CHD2: variants seen among roughly 807,000 people sequenced by gnomAD.
CHD2 encodes chromodomain helicase DNA binding protein 2.
CHD2 carries 28 observed loss-of-function variants against 243.9 expected under a neutral mutation model. The ratio of observed to expected loss-of-function variants is 0.11; its 90% confidence interval spans 0.09 to 0.16. The LOEUF is 0.16. Among genes scored for constraint, CHD2 ranks in the 10% least tolerant of loss-of-function variants. The probability of loss-of-function intolerance (pLI) is 1.00; values close to 1 mark genes in which losing one functional copy is unlikely to be tolerated. For synonymous variants in CHD2, 775 were observed against 779.0 expected (o/e 0.99, Z 0.09); for missense variants, 1,386 against 2,209.8 (o/e 0.63, Z 7.47).
intron 25 of CHD2, among the ~76,000 whole-genome samples, chr15:92,984,916 C>T (rs1037238604): frequency 2.0e-5 from 3 of 152,180 alleles, no homozygotes; most frequent in East Asian, 3.8e-4. Context: ...GAAACATATA[C>T]CAACTTGACA....
chr15:92,966,881 G>C (rs1157183413), intron 16 of CHD2, among the ~76,000 whole-genome samples: 1 of 148,492 alleles, frequency 6.7e-6, no homozygotes, highest in Non-Finnish European at 1.5e-5. Flanking sequence ...CTGCATTCCA[G>C]CCTGGGCGAC....
intron 2 of CHD2, among the ~76,000 whole-genome samples, chr15:92,923,607 C>T (rs189307318): frequency 7.2e-6 from 1 of 138,440 alleles, no homozygotes; most frequent in East Asian, 2.3e-4. Context: ...CGCTCTGTCT[C>T]TAGGCTGGAG....
In CHD2 at chr15:92,900,460, C is replaced by T. The variant is rs1274152194; in HGVS notation, c.-436C>T. On this transcript the variant is annotated 5_prime_UTR_variant, in exon 1 of 39. Transcript: ENST00000394196. ...GGGCCCCCGTAGCCCCCTGCCTTTC[C>T]TAGGGACTTACTGGGGTCGATTCGA... 4 of 397,562 alleles carry T rather than the reference C, an allele frequency of 1.0e-5. No individual in the cohort carries two copies. Among genetic ancestry groups the T allele is most frequent in the African/African-American group, 8.2e-5 (4 of 48,566 alleles). The allele number at this position is 397,562 out of a possible 1,614,324, so 24.6% of individuals were successfully genotyped here.
chr15:93,020,835 G>A (rs754203182), intron 38 of CHD2: 8 of 155,644 alleles, frequency 5.1e-5, no homozygotes, highest in South Asian at 1.9e-4. Context: ...GATGATGTGC[G>A]TCATTTGCAC....
At chr15:92,912,322 T>G (rs56409807) in intron 2 of CHD2, among the ~76,000 whole-genome samples, 30 of 152,240 alleles carry the variant, frequency 2.0e-4, no homozygotes, top group Non-Finnish European at 4.0e-4. Flanking sequence ...ACTGTTGTGT[T>G]TATCTGCCGT....
intron 9 of CHD2, 81 bp from the exon 10 acceptor site, chr15:92,944,334 C>T (rs2053429334): frequency 1.5e-6 from 1 of 683,808 alleles, no homozygotes. Context: ...GTTTTCTTTT[C>T]CACCTTTGAC....
intron 2 of CHD2, among the ~76,000 whole-genome samples, chr15:92,903,623 T>C (rs1176351390): frequency 1.3e-5 from 2 of 152,234 alleles, no homozygotes; most frequent in East Asian, 3.8e-4. Context: ...AATTTCTAAG[T>C]ATTTAAAACA....
At chr15:92,969,991 A>T (rs1310901509) in intron 17 of CHD2, among the ~76,000 whole-genome samples, 1 of 151,926 alleles carries the variant, frequency 6.6e-6, no homozygotes, top group Admixed American at 6.5e-5. Context: ...TACTCAAGAT[A>T]GTTTTTCTTC....
At chr15:92,957,799 C>T (rs1302083523) in intron 16 of CHD2, among the ~76,000 whole-genome samples, 1 of 151,986 alleles carries the variant, frequency 6.6e-6, no homozygotes, top group African/African-American at 2.4e-5. Context: ...CAAAAAGTTC[C>T]CCCTTGCTTG....
chr15:92,942,285 T>C (rs2053394045), intron 8 of CHD2, among the ~76,000 whole-genome samples: 1 of 152,188 alleles, frequency 6.6e-6, no homozygotes, highest in African/African-American at 2.4e-5. Context: ...GTTAAATAAA[T>C]ATTGTGGTAA....
intron 17 of CHD2, among the ~76,000 whole-genome samples, chr15:92,970,712 A>C (rs1171906244): frequency 6.6e-6 from 1 of 152,084 alleles, no homozygotes; most frequent in Non-Finnish European, 1.5e-5. Context: ...ATAGGCCTTT[A>C]TGATGCATAG....
rs2053515005 is a variant in CHD2 at position 92,948,932 on chromosome 15, C to T, written c.1378-20C>T. 2 of 1,607,612 alleles carry T rather than the reference C, an allele frequency of 1.2e-6. No individual in the cohort carries two copies. Among genetic ancestry groups the T allele is most frequent in the Non-Finnish European group, 1.7e-6 (2 of 1,178,046 alleles). On this transcript the variant is annotated intron_variant, in intron 12 of 38. Transcript: ENST00000394196. ...GTAGCAGTAAGAACATTTTCTCAGA[C>T]TTGGGCTTTTGTTTTTCAGGCCCTG...
chr15:92,903,407 CTT>C (rs572582833), intron 2 of CHD2, among the ~76,000 whole-genome samples: 1 of 152,118 alleles, frequency 6.6e-6, no homozygotes, highest in East Asian at 1.9e-4. Context: ...CTGAGAATTA[CTT>C]TAGTATCTGG....
intron 26 of CHD2, among the ~76,000 whole-genome samples, chr15:92,988,437 A>G (rs2054073139): frequency 1.3e-5 from 2 of 152,150 alleles, no homozygotes; most frequent in South Asian, 2.1e-4. Flanking sequence ...ACAAAAATGC[A>G]TGTATACTGT....
At chr15:92,944,304 C>A in intron 9 of CHD2, 111 bp from the exon 10 acceptor site, 1 of 549,328 alleles carries the variant, frequency 1.8e-6, no homozygotes. Flanking sequence ...ACTTAAGGGG[C>A]AGATGGGAGT....
intron 36 of CHD2, 59 bp from the exon 37 acceptor site, chr15:93,014,637 C>A: frequency 6.7e-7 from 1 of 1,500,566 alleles, no homozygotes; most frequent in Non-Finnish European, 9.2e-7. Context: ...AGCCTTTATT[C>A]TTCTCTGGGG....
intron 13 of CHD2, 49 bp downstream of exon 13, chr15:92,949,125 T>G: frequency 1.9e-6 from 3 of 1,587,910 alleles, no homozygotes; most frequent in South Asian, 1.2e-5. Context: ...TCTGGCTTCT[T>G]TATTGTTAGA....
At chr15:93,019,947 AT>A in intron 37 of CHD2, 64 bp from the exon 38 acceptor site, 1 of 1,547,458 alleles carries the variant, frequency 6.5e-7, no homozygotes, top group Non-Finnish European at 8.7e-7. Context: ...AAAAAAAAAA[AT>A]TGTAGTGAAA....
chr15:92,971,690 C>G, intron 17 of CHD2, 75 bp from the exon 18 acceptor site: 4 of 1,369,012 alleles, frequency 2.9e-6, no homozygotes, highest in Admixed American at 2.3e-5. Context: ...CTACTACTAT[C>G]TCTTATACTC....
Sources: allele counts gnomAD v4.1 joint callset (sites outside exome capture counted in the v4.1 genomes callset), GRCh38; gene constraint gnomAD v4.1.1; transcripts MANE v1.5; gene names NCBI Gene and HGNC (gene_info 2026-07-23, HGNC 2026-07-21).